PHKB: variants seen among roughly 807,000 people sequenced by gnomAD.
The protein encoded by PHKB is phosphorylase kinase regulatory subunit beta.
Under a neutral mutation model 152.1 loss-of-function variants are expected in PHKB, and 122 were observed. The observed-to-expected ratio is 0.80, with a 90% CI of 0.69 to 0.93. The LOEUF (loss-of-function observed/expected upper bound fraction) is 0.93. PHKB is among the 40% of genes least tolerant of loss of function. The pLI, the probability that PHKB is intolerant of heterozygous loss-of-function variation, is 0.00. For missense variants in PHKB, 1,304 were observed against 1,328.4 expected, an observed-to-expected ratio of 0.98 and a Z score of 0.29; for synonymous variants, 436 against 464.9, an observed-to-expected ratio of 0.94 and a Z score of 0.80.
intron 8 of PHKB, among the ~76,000 whole-genome samples, chr16:47,586,421 G>T (rs1269916376): frequency 6.6e-6 from 1 of 152,122 alleles, no homozygotes; most frequent in Non-Finnish European, 1.5e-5. Context: ...CAGCCTCACC[G>T]AATCACTGTT....
intron 1 of PHKB, among the ~76,000 whole-genome samples, chr16:47,468,103 C>A (rs1480937908): frequency 1.3e-5 from 2 of 152,138 alleles, no homozygotes; most frequent in Non-Finnish European, 2.9e-5. Flanking sequence ...CCTTTTTATT[C>A]AGTTAATCTG....
At chr16:47,520,860 A>T (rs1416465010) in intron 6 of PHKB, among the ~76,000 whole-genome samples, 1 of 152,090 alleles carries the variant, frequency 6.6e-6, no homozygotes, top group Non-Finnish European at 1.5e-5. Flanking sequence ...GCTTTTTATT[A>T]ATTTTGATTA....
intron 26 of PHKB, among the ~76,000 whole-genome samples, chr16:47,684,266 A>G (rs1175542553): frequency 6.6e-6 from 1 of 151,682 alleles, no homozygotes; most frequent in African/African-American, 2.4e-5. Flanking sequence ...TGGACATTGC[A>G]GTAAGCCAAG....
At chr16:47,557,515 A>G (rs1008715789) in intron 7 of PHKB, among the ~76,000 whole-genome samples, 4 of 152,338 alleles carry the variant, frequency 2.6e-5, no homozygotes, top group East Asian at 3.9e-4. Context: ...AGAATCTACA[A>G]TGAACTCAAA....
intron 14 of PHKB, among the ~76,000 whole-genome samples, chr16:47,629,916 T>C (rs559881660): frequency 6.6e-6 from 1 of 151,288 alleles, no homozygotes; most frequent in African/African-American, 2.4e-5. Context: ...CAGTAAACTA[T>C]CGCAATAACA....
At chr16:47,682,471 C>G (rs1973879314) in intron 26 of PHKB, among the ~76,000 whole-genome samples, 1 of 152,106 alleles carries the variant, frequency 6.6e-6, no homozygotes, top group African/African-American at 2.4e-5. Context: ...TCTTTTTATT[C>G]TCTTTTCTCT....
intron 6 of PHKB, among the ~76,000 whole-genome samples, chr16:47,542,810 T>C (rs1971084614): frequency 6.6e-6 from 1 of 152,194 alleles, no homozygotes; most frequent in Non-Finnish European, 1.5e-5. Context: ...TTGTCTGTTA[T>C]TGGTGTATAA....
At position 47,698,474 on chromosome 16, in the gene PHKB, G is replaced by A. The variant is rs1402815994; in HGVS notation, c.3030G>A (p.Leu1010=). The part of the protein sequence containing the change: ...VELLMVVSIV[L]ERNPELEFQD... ...TACTTATGGTTGTATCCATTGTACT[G>A]GAAAGAAACCCCGAGCTAGAATTTC... Residue 1010 remains leucine, a synonymous_variant, in exon 30 of 31, where the codon CTG becomes CTA. Transcript: ENST00000323584. 5.0e-6 allele frequency: 8 copies of A among 1,611,132 alleles called. No homozygotes were observed. Among genetic ancestry groups the A allele is most frequent in the Admixed American group, 1.7e-5 (1 of 59,992 alleles).
intron 16 of PHKB, among the ~76,000 whole-genome samples, chr16:47,643,986 T>C (rs1348635993): frequency 6.6e-6 from 1 of 152,178 alleles, no homozygotes; most frequent in Admixed American, 6.5e-5. Context: ...GGTATGAATG[T>C]GTACAACATG....
At chr16:47,557,927 A>C (rs185193708) in intron 7 of PHKB, among the ~76,000 whole-genome samples, 10 of 152,188 alleles carry the variant, frequency 6.6e-5, no homozygotes, top group African/African-American at 2.4e-4. Flanking sequence ...ATAAAGACAC[A>C]TGCACACATA....
At chr16:47,644,923 C>G (rs1385561374) in intron 16 of PHKB, among the ~76,000 whole-genome samples, 6 of 152,126 alleles carry the variant, frequency 3.9e-5, no homozygotes, top group Non-Finnish European at 8.8e-5. Context: ...AAATGAGATT[C>G]CACCTACTGT....
intron 16 of PHKB, among the ~76,000 whole-genome samples, chr16:47,645,043 A>G (rs1191669262): frequency 6.6e-6 from 1 of 152,252 alleles, no homozygotes; most frequent in African/African-American, 2.4e-5. Context: ...AATAAAAAAG[A>G]ATGCCAAATT....
At chr16:47,612,517 G>A (rs1241526850) in intron 14 of PHKB, among the ~76,000 whole-genome samples, 1 of 152,200 alleles carries the variant, frequency 6.6e-6, no homozygotes, top group Non-Finnish European at 1.5e-5. Flanking sequence ...ATGAGTGACT[G>A]AGAGTGAATT....
chr16:47,489,372 T>G (rs1970106405), intron 1 of PHKB, among the ~76,000 whole-genome samples: 1 of 152,224 alleles, frequency 6.6e-6, no homozygotes, highest in African/African-American at 2.4e-5. Context: ...CAGTACTCAT[T>G]TTTGCTAAAA....
intron 10 of PHKB, 74 bp from the exon 11 acceptor site, chr16:47,593,426 T>C: frequency 1.2e-6 from 1 of 835,760 alleles, no homozygotes; most frequent in East Asian, 2.7e-5. Flanking sequence ...GGCCACAGAG[T>C]GAGATCTTGT....
At chr16:47,680,683 C>T (rs1425646654) in intron 26 of PHKB, among the ~76,000 whole-genome samples, 10 of 152,018 alleles carry the variant, frequency 6.6e-5, no homozygotes, top group Admixed American at 1.3e-4. Context: ...GTCTTGCTAG[C>T]GGTCTATCAG....
chr16:47,588,442 C>G (rs1396158557), intron 9 of PHKB, among the ~76,000 whole-genome samples: 1 of 151,896 alleles, frequency 6.6e-6, no homozygotes, highest in East Asian at 1.9e-4. Context: ...TTTTACAAAG[C>G]TATAAGAGTA....
chr16:47,678,846 A>C (rs1973789365), intron 26 of PHKB, among the ~76,000 whole-genome samples: 1 of 152,272 alleles, frequency 6.6e-6, no homozygotes, highest in African/African-American at 2.4e-5. Context: ...GTCCTTGCCC[A>C]TGCCTGTGTC....
At position 47,683,177 on chromosome 16, in the gene PHKB, G is replaced by C. The variant is rs370415082; in HGVS notation, c.2631-5864G>C. Among the ~76,000 whole-genome samples, 1,800 of 152,312 alleles carry C rather than the reference G, an allele frequency of 0.012. 304 individuals carry two copies. In the South Asian group the frequency reaches 0.33, roughly 28 times the overall value. On this transcript the variant is annotated intron_variant, in intron 26 of 30. Coordinates refer to ENST00000323584, the MANE Select transcript of PHKB (RefSeq NM_000293.3). The stretch of plus-strand genomic sequence containing the variant: ...TGTAAGGTGTCAGTCTGCCCCTACT[G>C]GGGGGTGCCTCCCAGTTAGGCTGCT...
Sources: gnomAD v4.1 joint callset for allele counts (sites outside exome capture counted in the v4.1 genomes callset) on GRCh38, gnomAD v4.1.1 for gene constraint, MANE v1.5 for transcripts, NCBI Gene and HGNC (gene_info 2026-07-23, HGNC 2026-07-21) for gene names.